Variants in SPATA6L observed in about 807,000 individuals in gnomAD.
SPATA6L encodes the protein spermatogenesis associated 6 like.
In SPATA6L, 68 loss-of-function variants were observed where a neutral mutation model predicts 49.2. That is an observed-to-expected ratio of 1.38 (90% CI 1.14 to 1.69). SPATA6L has a LOEUF of 1.69. Among genes scored for constraint, SPATA6L ranks in the 40% most tolerant of loss-of-function variants. The pLI, the probability that SPATA6L is intolerant of heterozygous loss-of-function variation, is 0.00. For synonymous variants in SPATA6L, 198 were observed against 165.7 expected (o/e 1.19, Z -1.50); for missense variants, 668 against 464.3 (o/e 1.44, Z -4.03).
intron 3 of SPATA6L, among the ~76,000 whole-genome samples, chr9:4,645,689 T>C (rs951293757): frequency 6.6e-6 from 1 of 152,172 alleles, no homozygotes; most frequent in Non-Finnish European, 1.5e-5. Flanking sequence ...TGATACATGC[T>C]ACAACATGGC....
rs1267389487 is a variant in SPATA6L at position 4,666,152 on chromosome 9, A to T, written c.39+60T>A. On this transcript the variant is annotated intron_variant, in intron 1 of 11. Coordinates refer to ENST00000682582, the MANE Select transcript of SPATA6L (RefSeq NM_001353486.2). ...ATGTGGGGGAGGGTTGTTGAAAACC[A>T]CCTGAGACTATTTAGAGTCCGACTT... 10 of 1,560,722 alleles carry T rather than the reference A, an allele frequency of 6.4e-6. No individual in the cohort carries two copies. The African/African-American group carries it at 1.1e-4, about 17-fold the overall frequency.
At chr9:4,605,965 G>A (rs534474638) in intron 9 of SPATA6L, among the ~76,000 whole-genome samples, 3 of 152,140 alleles carry the variant, frequency 2.0e-5, no homozygotes, top group African/African-American at 7.2e-5. Context: ...CACCGTGCGC[G>A]AGCCGAAGCA....
At chr9:4,628,476 C>T (rs754064120) in intron 5 of SPATA6L, 1 of 151,978 alleles carries the variant, frequency 6.6e-6, no homozygotes, top group Non-Finnish European at 1.5e-5. Flanking sequence ...GATGGAGTCT[C>T]ACTCTTGTCA....
rs755113375 is a variant in SPATA6L, at chr9:4,629,155, T to A, written c.365A>T (p.Lys122Ile). ...TALGFPGIAPKIEFSTRTAIR... is the reference protein window; with the variant it reads ...TALGFPGIAPIIEFSTRTAIR... The stretch of plus-strand genomic sequence containing the variant: ...GGCTGTCCTTGTAGAAAACTCTATT[T>A]TGGGAGCAATGCCCTATAAAACAGC... The change falls in exon 5 of 12, where the codon AAA becomes ATA. Residue 122 changes from lysine to isoleucine, a missense_variant. Coordinates refer to ENST00000682582, the MANE Select transcript of SPATA6L (RefSeq NM_001353486.2). 1.4e-5 allele frequency: 23 copies of A among 1,604,036 alleles called. No individual in the cohort carries two copies. Among genetic ancestry groups the A allele is most frequent in the Non-Finnish European group, 1.8e-5 (21 of 1,178,330 alleles).
At chr9:4,652,705 G>C (rs1389407420) in intron 3 of SPATA6L, among the ~76,000 whole-genome samples, 1 of 151,894 alleles carries the variant, frequency 6.6e-6, no homozygotes, top group Non-Finnish European at 1.5e-5. Flanking sequence ...GCCAGGCGTG[G>C]TGGTGCATGC....
At chr9:4,614,973 A>C (rs1055413316) in intron 9 of SPATA6L, among the ~76,000 whole-genome samples, 1 of 152,140 alleles carries the variant, frequency 6.6e-6, no homozygotes, top group Non-Finnish European at 1.5e-5. Context: ...GCAAAGCCCA[A>C]GCTCCTTAGG....
chr9:4,629,769 GTATATATATA>G lies in SPATA6L; in HGVS notation c.352-611_352-602del, dbSNP rs35908661. Among the ~76,000 whole-genome samples, 8 of 101,922 alleles carry G rather than the reference GTATATATATA, an allele frequency of 7.8e-5. 1 individual carries two copies. Among genetic ancestry groups the G allele is most frequent in the African/African-American group, 3.0e-4 (6 of 20,150 alleles). The allele number at this position is 101,922 out of a possible 152,430, so 66.9% of individuals were successfully genotyped here. A position where few individuals can be genotyped will look rare whatever the true frequency, so the allele number is the denominator to read the frequency against. Reference sequence around the variant, plus strand: ...GTGTTTTATATATGTGTGTGTGTGTGTATATATATATATATATATATATATATATGCCCTA... The same window carrying G: ...GTGTTTTATATATGTGTGTGTGTGTGTATATATATATATATATATGCCCTA... On this transcript the variant is annotated intron_variant, in intron 4 of 11. Coordinates refer to ENST00000682582, the MANE Select transcript of SPATA6L (RefSeq NM_001353486.2).
chr9:4,609,132 T>G (rs1027506026), intron 9 of SPATA6L, among the ~76,000 whole-genome samples: 7 of 151,254 alleles, frequency 4.6e-5, no homozygotes, highest in East Asian at 3.9e-4. Flanking sequence ...AATAACAGGA[T>G]CTGAAATTGT....
chr9:4,653,378 G>C (rs543083911), intron 3 of SPATA6L, among the ~76,000 whole-genome samples: 1 of 152,206 alleles, frequency 6.6e-6, no homozygotes, highest in Non-Finnish European at 1.5e-5. Flanking sequence ...TCATCTAGAT[G>C]TAAGAGCCAA....
downstream of SPATA6L, among the ~76,000 whole-genome samples, chr9:4,593,984 C>G (rs1357161086): frequency 2.0e-5 from 3 of 152,202 alleles, no homozygotes; most frequent in Non-Finnish European, 2.9e-5. Context: ...GATTCCACTA[C>G]CATCTCTATG....
intron 5 of SPATA6L, chr9:4,626,479 G>A (rs1480665044): frequency 6.9e-6 from 9 of 1,304,232 alleles, no homozygotes; most frequent in Middle Eastern, 2.1e-4. Flanking sequence ...AGAGGTCTGG[G>A]TCCCATTTCT....
In SPATA6L at chr9:4,629,769, G is replaced by GTGTGTGTATATATA. The variant is rs1311805859; in HGVS notation, c.352-602_352-601insTATATATACACACA. On this transcript the variant is annotated intron_variant, in intron 4 of 11. Transcript: ENST00000682582. ...GTGTTTTATATATGTGTGTGTGTGT[G>GTGTGTGTATATATA]TATATATATATATATATATATATAT... is the stretch of plus-strand genomic sequence containing the variant. 1.5e-3 allele frequency among the ~76,000 whole-genome samples: 152 copies of GTGTGTGTATATATA among 101,900 alleles called. 1 individual carries two copies. The highest frequency in any genetic ancestry group is 3.0e-3 in the South Asian group (9 of 3,002). The allele number at this position is 101,900 out of a possible 152,430, so 66.9% of individuals were successfully genotyped here.
chr9:4,644,692 C>A (rs1355504187), intron 3 of SPATA6L, among the ~76,000 whole-genome samples: 1 of 112,678 alleles, frequency 8.9e-6, no homozygotes, highest in Non-Finnish European at 1.9e-5. Flanking sequence ...CTCTCACACA[C>A]ACACACACAC....
At chr9:4,607,108 T>C (rs918198489) in intron 9 of SPATA6L, among the ~76,000 whole-genome samples, 3 of 151,646 alleles carry the variant, frequency 2.0e-5, no homozygotes, top group Non-Finnish European at 2.9e-5. Context: ...AGAATAAAAA[T>C]AAATGAGCAA....
At chr9:4,629,852 T>C (rs1831173244) in intron 4 of SPATA6L, among the ~76,000 whole-genome samples, 1 of 147,534 alleles carries the variant, frequency 6.8e-6, no homozygotes, top group Non-Finnish European at 1.5e-5. Context: ...ATTATTACAA[T>C]CATCCTGTTT....
At chr9:4,613,412 C>T (rs1043317624) in intron 9 of SPATA6L, among the ~76,000 whole-genome samples, 1 of 151,998 alleles carries the variant, frequency 6.6e-6, no homozygotes, top group Non-Finnish European at 1.5e-5. Flanking sequence ...TCCACTCCAG[C>T]TCTCTCTGTG....
chr9:4,614,574 C>T (rs1827531760), intron 9 of SPATA6L, among the ~76,000 whole-genome samples: 1 of 152,314 alleles, frequency 6.6e-6, no homozygotes, highest in Non-Finnish European at 1.5e-5. Context: ...ATGAAGGGCA[C>T]ATCCCTCATT....
At position 4,600,003 on chromosome 9, in the gene SPATA6L, G is replaced by A. The variant is rs1822828208; in HGVS notation, c.*808C>T. ...CTTCCTATTCCTGCTCCCTCACACT[G>A]TGTAAGCATTTCATAGATGCACCTT... On this transcript the variant is annotated 3_prime_UTR_variant, in exon 12 of 12. Coordinates refer to ENST00000682582, the MANE Select transcript of SPATA6L (RefSeq NM_001353486.2). 6.6e-6 allele frequency among the ~76,000 whole-genome samples: 1 copy of A among 152,112 alleles called. No individual in the cohort carries two copies. Among genetic ancestry groups the A allele is most frequent in the African/African-American group, 2.4e-5 (1 of 41,414 alleles).
At chr9:4,597,272 G>A (rs1034296386), downstream of SPATA6L, among the ~76,000 whole-genome samples, 2 of 145,714 alleles carry the variant, frequency 1.4e-5, no homozygotes, top group Admixed American at 6.9e-5. Context: ...GTCAATATAG[G>A]GAGACTCCTT....
Sources: allele counts gnomAD v4.1 joint callset (sites outside exome capture counted in the v4.1 genomes callset), GRCh38; gene constraint gnomAD v4.1.1; transcripts MANE v1.5; gene names NCBI Gene and HGNC (gene_info 2026-07-23, HGNC 2026-07-21).